The following LAMC3 variants were observed in gnomAD, a reference collection of about 807,000 sequenced individuals.
LAMC3 encodes the protein laminin subunit gamma-3.
In LAMC3, 128 loss-of-function variants were observed where a neutral mutation model predicts 173.8. The observed-to-expected ratio is 0.74, with a 90% CI of 0.64 to 0.85. LAMC3 has a LOEUF of 0.85. LAMC3 is among the 40% of genes least tolerant of loss of function. The pLI is 0.00. For synonymous variants in LAMC3, 897 were observed against 909.1 expected (o/e 0.99, Z 0.24); for missense variants, 2,022 against 2,156.0 (o/e 0.94, Z 1.23).
Position 131,027,073 on chromosome 9 carries a change from G to A in LAMC3, c.678+484G>A, listed in dbSNP as rs558016751. ...GGCTTGTTGCACCCAAGTCTTCTGT[G>A]GATGCCGCTAATGAACCAGAAGGAA... On this transcript the variant is annotated intron_variant, in intron 2 of 27. Transcript: ENST00000361069. 3.3e-5 allele frequency among the ~76,000 whole-genome samples: 5 copies of A among 152,342 alleles called. No homozygotes were observed. The South Asian group carries it at 1.0e-3, about 32-fold the overall frequency.
In LAMC3 at chr9:131,036,193, G is replaced by A. The variant is rs759382725; in HGVS notation, c.837G>A (p.Glu279=). ...GCAAGTGCAACGGGCATGCCAGCGA[G>A]TGCGGCCCCGACGTGGCAGGCCAGT... ...GRCKCNGHAS[E]CGPDVAGQLA... The change falls in exon 4 of 28, where the codon GAG becomes GAA. Residue 279 remains glutamate, a synonymous_variant. Transcript: ENST00000361069. The A allele has an allele frequency of 1.9e-6, 3 of 1,613,230 alleles. No individual in the cohort carries two copies. The highest frequency in any genetic ancestry group is 1.7e-5 in the Admixed American group (1 of 60,026).
At chr9:131,032,590 T>TCTC (rs797015714) in intron 3 of LAMC3, among the ~76,000 whole-genome samples, 1 of 77,454 alleles carries the variant, frequency 1.3e-5, no homozygotes, top group African/African-American at 5.0e-5. Context: ...CTTGCTCTCT[T>TCTC]TCTCACTCGC....
At chr9:131,063,304 C>T (rs868112059) in intron 13 of LAMC3, among the ~76,000 whole-genome samples, 3 of 152,170 alleles carry the variant, frequency 2.0e-5, no homozygotes, top group African/African-American at 4.8e-5. Context: ...TTCTAGCTCC[C>T]GACTGTGGCT....
intron 1 of LAMC3, among the ~76,000 whole-genome samples, chr9:131,019,763 G>A (rs2133215011): frequency 6.6e-6 from 1 of 152,170 alleles, no homozygotes; most frequent in East Asian, 1.9e-4. Flanking sequence ...CAGAGAGAAG[G>A]GGCTGCCTAG....
chr9:131,034,753 C>G (rs1013280139), intron 3 of LAMC3, among the ~76,000 whole-genome samples: 1 of 152,188 alleles, frequency 6.6e-6, no homozygotes, highest in Non-Finnish European at 1.5e-5. Flanking sequence ...GGACAGTGGT[C>G]GGGACAGGGA....
chr9:131,037,527 A>G (rs902999371), intron 4 of LAMC3, among the ~76,000 whole-genome samples: 5 of 152,112 alleles, frequency 3.3e-5, no homozygotes, highest in Non-Finnish European at 5.9e-5. Context: ...TTCTTGAAAC[A>G]CGGCCTCACT....
In LAMC3 at chr9:131,032,427, G is replaced by GTTCC. The variant is rs146026740; in HGVS notation, c.809+262_809+265dup. 0.049 allele frequency among the ~76,000 whole-genome samples: 7,466 copies of GTTCC among 151,110 alleles called. 331 individuals carry two copies. The highest frequency in any genetic ancestry group is 0.14 in the South Asian group (662 of 4,724). On this transcript the variant is annotated intron_variant, in intron 3 of 27. Transcript: ENST00000361069. ...TTCCCATTGTCCCCTCAGCCTGGAG[G>GTTCC]TTCCTTCCTTCCTCCCTCCCTCCCT...
At chr9:131,013,082 C>T (rs1833453904) in intron 1 of LAMC3, among the ~76,000 whole-genome samples, 1 of 152,212 alleles carries the variant, frequency 6.6e-6, no homozygotes, top group African/African-American at 2.4e-5. Flanking sequence ...GGGCTCTCAC[C>T]GTGTACCAAG....
chr9:131,030,803 C>G lies in LAMC3; in HGVS notation c.679-1242C>G, dbSNP rs571019934. Among the ~76,000 whole-genome samples, 3 of 152,372 alleles carry G rather than the reference C, an allele frequency of 2.0e-5. No individual in the cohort carries two copies. In the East Asian group the frequency reaches 5.8e-4, roughly 29 times the overall value. On this transcript the variant is annotated intron_variant, in intron 2 of 27. Transcript: ENST00000361069. ...ACTGCGGGACTTCCCCACCCCAGGC[C>G]TCAGCTCCTTGTCCAGTAGCCGGCC...
chr9:131,071,515 C>A lies in LAMC3; in HGVS notation c.3101C>A (p.Thr1034Lys), dbSNP rs149131135. ...AAKLKARLTLTEGWLQGSDCG... is the reference protein window; with the variant it reads ...AAKLKARLTLKEGWLQGSDCG... The stretch of plus-strand genomic sequence containing the variant: ...AAGCTGAAGGCCAGACTGACTTTGA[C>A]GGAGGGGTGGCTCCAAGGGTCCGAC... Residue 1034 changes from threonine (T) to lysine (K), a missense_variant, in exon 18 of 28, where the codon ACG becomes AAG. Thr to Lys is a moderately conservative substitution (Grantham distance 78). Transcript: ENST00000361069. 4 of 1,613,876 alleles carry A rather than the reference C, an allele frequency of 2.5e-6. No homozygotes were observed. The highest frequency in any genetic ancestry group is 1.7e-4 in the Middle Eastern group (1 of 6,056).
In LAMC3 at chr9:131,045,176, T is replaced by C. The variant is rs530256783; in HGVS notation, c.1383-348T>C. Among the ~76,000 whole-genome samples, 206 of 145,112 alleles carry C rather than the reference T, an allele frequency of 1.4e-3. 1 individual carries two copies. The highest frequency in any genetic ancestry group is 5.0e-3 in the African/African-American group (195 of 39,296). On this transcript the variant is annotated intron_variant, in intron 7 of 27. Coordinates refer to ENST00000361069, the MANE Select transcript of LAMC3 (RefSeq NM_006059.4). The stretch of plus-strand genomic sequence containing the variant: ...GGCGGAGGCTGCAGTGAGCCAAGAT[T>C]GCACCATTGCACTCCAGCCTGGGCC...
Position 131,091,650 on chromosome 9 carries a change from C to A in LAMC3, c.4591C>A (p.Leu1531Met). The change falls in exon 28 of 28, where the codon CTG becomes ATG. Residue 1531 changes from leucine (L) to methionine (M), a missense_variant. By Grantham distance (15) the Leu-to-Met change is conservative (BLOSUM62 2). Coordinates refer to ENST00000361069, the MANE Select transcript of LAMC3 (RefSeq NM_006059.4). ...SPGSLQRKLS[L>M]LEQESQQQEL... ...GGGGTCCTTGCAGAGGAAACTCAGTCTGCTGGAGCAGGAATCCCAGCAGCA... is the reference window on the plus strand; with the variant it reads ...GGGGTCCTTGCAGAGGAAACTCAGTATGCTGGAGCAGGAATCCCAGCAGCA... 6.2e-7 allele frequency: 1 copy of A among 1,606,106 alleles called. No individual in the cohort carries two copies. Among genetic ancestry groups the A allele is most frequent in the Non-Finnish European group, 8.5e-7 (1 of 1,176,674 alleles).
chr9:131,052,299 G>C (rs182717445), intron 9 of LAMC3, among the ~76,000 whole-genome samples, 192 bp from the exon 10 acceptor site: 6 of 152,328 alleles, frequency 3.9e-5, no homozygotes, highest in Admixed American at 1.3e-4. Context: ...ATGAAGCCAA[G>C]TGTGGGGGCG....
intron 1 of LAMC3, among the ~76,000 whole-genome samples, chr9:131,019,184 T>C (rs1833584082): frequency 6.6e-6 from 1 of 152,110 alleles, no homozygotes; most frequent in African/African-American, 2.4e-5. Flanking sequence ...ATGGCTTGAA[T>C]CCAGGGGACG....
chr9:131,089,338 C>T (rs1830383654), intron 27 of LAMC3, among the ~76,000 whole-genome samples: 1 of 151,878 alleles, frequency 6.6e-6, no homozygotes, highest in African/African-American at 2.4e-5. Flanking sequence ...AATTTGACTA[C>T]TCTGGGGACC....
chr9:131,057,007 G>C lies in LAMC3; in HGVS notation c.2018G>C (p.Cys673Ser), dbSNP rs1346303540. ...CCGCCAGCCTCCTGGGTGGAGATTTGTTCATGTCCCACTGGCTACACGGGC... is the reference window on the plus strand; with the variant it reads ...CCGCCAGCCTCCTGGGTGGAGATTTCTTCATGTCCCACTGGCTACACGGGC... ...LSPPASWVEICSCPTGYTGQF... is the reference protein window; with the variant it reads ...LSPPASWVEISSCPTGYTGQF... The change falls in exon 12 of 28, where the codon TGT (cysteine) becomes TCT (serine). Residue 673 changes from cysteine to serine, a missense_variant. Transcript: ENST00000361069. 6.2e-7 allele frequency: 1 copy of C among 1,614,098 alleles called. No individual in the cohort carries two copies. The highest frequency in any genetic ancestry group is 2.2e-5 in the East Asian group (1 of 44,878).
At chr9:131,038,218 CTTCT>C (rs1299671775) in intron 4 of LAMC3, among the ~76,000 whole-genome samples, 1 of 152,188 alleles carries the variant, frequency 6.6e-6, no homozygotes, top group Admixed American at 6.5e-5. Context: ...GCAGGGGCCC[CTTCT>C]TTCGGCTCCC....
chr9:131,046,518 A>ATTTTTTTTTTTTTTTTTTTTTTTTT lies in LAMC3; in HGVS notation c.1519+860_1519+884dup, dbSNP rs71501242. On this transcript the variant is annotated intron_variant, in intron 8 of 27. Coordinates refer to ENST00000361069, the MANE Select transcript of LAMC3 (RefSeq NM_006059.4). ...ACCACCATGCCGAGCTAATTTTTGT[A>ATTTTTTTTTTTTTTTTTTTTTTTTT]TTTTTTTTTTTTTTTTTTTTTTTTT... Among the ~76,000 whole-genome samples, 119 of 49,164 alleles carry ATTTTTTTTTTTTTTTTTTTTTTTTT rather than the reference A, an allele frequency of 2.4e-3. 17 individuals are homozygous for ATTTTTTTTTTTTTTTTTTTTTTTTT. Among genetic ancestry groups the ATTTTTTTTTTTTTTTTTTTTTTTTT allele is most frequent in the Non-Finnish European group, 3.4e-3 (93 of 27,382 alleles). The allele number at this position is 49,164 out of a possible 152,430, so 32.3% of individuals were successfully genotyped here. A position where few individuals can be genotyped will look rare whatever the true frequency, so the allele number is the denominator to read the frequency against.
chr9:131,046,182 T>G (rs1340708055), intron 8 of LAMC3, among the ~76,000 whole-genome samples: 1 of 38,500 alleles, frequency 2.6e-5, no homozygotes, highest in Non-Finnish European at 4.7e-5. Flanking sequence ...TTTTGCTCCT[T>G]TTTTTTTTTT....
Sources: allele counts gnomAD v4.1 joint callset (sites outside exome capture counted in the v4.1 genomes callset), GRCh38; gene constraint gnomAD v4.1.1; transcripts MANE v1.5; gene names NCBI Gene and HGNC (gene_info 2026-07-23, HGNC 2026-07-21).